The following GALNTL6 variants were observed in gnomAD, a reference collection of about 807,000 sequenced individuals.
GALNTL6 encodes polypeptide N-acetylgalactosaminyltransferase-like 6.
In GALNTL6, 46 loss-of-function variants were observed where a neutral mutation model predicts 73.7. The ratio of observed to expected loss-of-function variants is 0.62; its 90% CI spans 0.49 to 0.80. GALNTL6 has a LOEUF of 0.80. Ranked by LOEUF, GALNTL6 falls within the 30% of genes least tolerant of loss-of-function variation. GALNTL6 has a pLI of 0.00. For synonymous variants in GALNTL6, 259 were observed against 263.7 expected (o/e 0.98, Z 0.17); for missense variants, 604 against 755.0 (o/e 0.80, Z 2.34).
At chr4:172,271,110 T>C (rs867634671) in intron 3 of GALNTL6, among the ~76,000 whole-genome samples, 6 of 152,264 alleles carry the variant, frequency 3.9e-5, no homozygotes, top group African/African-American at 1.4e-4. Context: ...TCTAACTCTA[T>C]AATCCCATGA....
chr4:172,523,555 T>C (rs530551022), intron 5 of GALNTL6, among the ~76,000 whole-genome samples: 1 of 152,082 alleles, frequency 6.6e-6, no homozygotes, highest in African/African-American at 2.4e-5. Context: ...TGTAGAGACA[T>C]GGTTTTGCCA....
intron 5 of GALNTL6, among the ~76,000 whole-genome samples, chr4:172,370,097 C>A: frequency 6.6e-6 from 1 of 152,192 alleles, no homozygotes; most frequent in East Asian, 1.9e-4. Context: ...CTACTTCCTT[C>A]TGGATAGGGG....
At chr4:172,608,439 T>C (rs1011860518) in intron 5 of GALNTL6, among the ~76,000 whole-genome samples, 3 of 152,178 alleles carry the variant, frequency 2.0e-5, no homozygotes, top group African/African-American at 7.2e-5. Context: ...CAGGTGGTTG[T>C]AGGTGAGTTG....
At chr4:172,100,695 C>T (rs1384887228) in intron 2 of GALNTL6, among the ~76,000 whole-genome samples, 2 of 152,096 alleles carry the variant, frequency 1.3e-5, no homozygotes, top group African/African-American at 2.4e-5. Context: ...ATTATTATCT[C>T]AGTTTTACAA....
At chr4:172,567,443 AT>A (rs1553961551) in intron 5 of GALNTL6, among the ~76,000 whole-genome samples, 1 of 152,214 alleles carries the variant, frequency 6.6e-6, no homozygotes, top group Non-Finnish European at 1.5e-5. Flanking sequence ...AGAAAAAAAA[AT>A]CATACATAAT....
At chr4:172,988,844 A>C (rs1374150360) in intron 10 of GALNTL6, among the ~76,000 whole-genome samples, 1 of 152,240 alleles carries the variant, frequency 6.6e-6, no homozygotes, top group Non-Finnish European at 1.5e-5. Flanking sequence ...CATGGTGTTA[A>C]GTCTGCAGGT....
intron 11 of GALNTL6, among the ~76,000 whole-genome samples, chr4:173,010,195 C>G (rs1471221758): frequency 6.6e-6 from 1 of 152,188 alleles, no homozygotes; most frequent in African/African-American, 2.4e-5. Flanking sequence ...AACCATCCTT[C>G]TACTATCATC....
intron 9 of GALNTL6, among the ~76,000 whole-genome samples, chr4:172,949,200 T>C (rs2653843): frequency 0.98 from 149,470 of 152,296 alleles, 73,421 homozygotes; most frequent in East Asian, 1. Context: ...GATTAGCATG[T>C]CCAGATGAGC....
chr4:172,920,244 A>G (rs573121250), intron 8 of GALNTL6, among the ~76,000 whole-genome samples: 23 of 152,334 alleles, frequency 1.5e-4, no homozygotes, highest in Non-Finnish European at 3.1e-4. Context: ...GGATCAGGAC[A>G]AGTCAAAATA....
rs1298533679 is a variant in GALNTL6 at position 172,057,722 on chromosome 4, AAAAAAATATATAT to A, written c.139-171932_139-171920del. On this transcript the variant is annotated intron_variant, in intron 2 of 12. Coordinates refer to ENST00000506823, the MANE Select transcript of GALNTL6 (RefSeq NM_001034845.3). ...GTCTCAAAAAAAAAAAAAAAAAAAA[AAAAAAATATATAT>A]ATATATATATATATATATATATAAA... Among the ~76,000 whole-genome samples the A allele has an allele frequency of 8.9e-5, 7 of 78,490 alleles. No homozygotes were observed. In the East Asian group the frequency reaches 3.5e-3, roughly 39 times the overall value. The allele number at this position is 78,490 out of a possible 152,430, so 51.5% of individuals were successfully genotyped here. A position where few individuals can be genotyped will look rare whatever the true frequency, so the allele number is the denominator to read the frequency against.
intron 10 of GALNTL6, among the ~76,000 whole-genome samples, chr4:172,978,682 C>T (rs1386259837): frequency 6.6e-6 from 1 of 152,192 alleles, no homozygotes; most frequent in Non-Finnish European, 1.5e-5. Flanking sequence ...AGATATTTAG[C>T]ACAATGCTAA....
intron 5 of GALNTL6, among the ~76,000 whole-genome samples, chr4:172,658,360 G>A (rs1451787537): frequency 4.0e-5 from 6 of 149,718 alleles, no homozygotes; most frequent in Non-Finnish European, 7.4e-5. Context: ...CCAGCTACTC[G>A]GGAGGCTGAG....
chr4:172,365,225 G>A (rs573077310), intron 5 of GALNTL6, among the ~76,000 whole-genome samples: 1 of 152,242 alleles, frequency 6.6e-6, no homozygotes, highest in African/African-American at 2.4e-5. Flanking sequence ...TTATTGTGGG[G>A]TTAGAATGTC....
intron 7 of GALNTL6, among the ~76,000 whole-genome samples, chr4:172,836,190 G>T (rs2111069176): frequency 6.6e-6 from 1 of 152,318 alleles, no homozygotes; most frequent in African/African-American, 2.4e-5. Context: ...ACTTGGTTCA[G>T]CATGGCCCAT....
intron 2 of GALNTL6, among the ~76,000 whole-genome samples, chr4:171,899,152 A>C (rs1737009091): frequency 1.2e-5 from 1 of 86,736 alleles, no homozygotes; most frequent in Non-Finnish European, 2.4e-5. Flanking sequence ...TCATTTAAAG[A>C]TGAAAACATT....
intron 4 of GALNTL6, among the ~76,000 whole-genome samples, chr4:172,342,549 T>C (rs530992547): frequency 1.2e-4 from 18 of 152,312 alleles, no homozygotes; most frequent in African/African-American, 4.3e-4. Flanking sequence ...CTCAATTAAA[T>C]GGGGGGCTTA....
intron 5 of GALNTL6, among the ~76,000 whole-genome samples, chr4:172,409,638 A>T (rs1744361569): frequency 6.6e-6 from 1 of 152,098 alleles, no homozygotes; most frequent in African/African-American, 2.4e-5. Context: ...AGGAAAGGTT[A>T]CTATAAAATA....
At chr4:172,763,958 AT>A (rs35078752) in intron 5 of GALNTL6, among the ~76,000 whole-genome samples, 61,095 of 136,712 alleles carry the variant, frequency 0.45, 13,606 homozygotes, top group East Asian at 0.67. Flanking sequence ...AACAAGGTGT[AT>A]TTTTTTTTTT....
chr4:172,693,620 C>G (rs982004382), intron 5 of GALNTL6, among the ~76,000 whole-genome samples: 1 of 152,212 alleles, frequency 6.6e-6, no homozygotes, highest in Admixed American at 6.5e-5. Flanking sequence ...AGCCTCCTCT[C>G]ACTATGCTCC....
Sources: allele counts gnomAD v4.1 joint callset (sites outside exome capture counted in the v4.1 genomes callset), GRCh38; gene constraint gnomAD v4.1.1; transcripts MANE v1.5; gene names NCBI Gene and HGNC (gene_info 2026-07-23, HGNC 2026-07-21).